The following GRM8 variants were observed in gnomAD, a reference collection of about 807,000 sequenced individuals.
The protein encoded by GRM8 is metabotropic glutamate receptor 8.
In GRM8, 47 loss-of-function variants were observed where a neutral mutation model predicts 87.2. The ratio of observed to expected loss-of-function variants is 0.54; its 90% CI spans 0.43 to 0.69. The LOEUF (loss-of-function observed/expected upper bound fraction) is 0.69, where lower values mean the gene tolerates loss of function less well. Among genes scored for constraint, GRM8 ranks in the 30% least tolerant of loss-of-function variants. The pLI is 0.00. For synonymous variants in GRM8, 396 were observed against 404.5 expected, an observed-to-expected ratio of 0.98 and a Z score of 0.25; for missense variants, 1,019 against 1,139.2, an observed-to-expected ratio of 0.89 and a Z score of 1.52.
At chr7:126,716,074 A>T (rs1485171023) in intron 7 of GRM8, among the ~76,000 whole-genome samples, 1 of 152,226 alleles carries the variant, frequency 6.6e-6, no homozygotes, top group East Asian at 1.9e-4. Context: ...TAGAGCAGAC[A>T]GACATATAGT....
At chr7:127,038,194 C>T (rs1818025545) in intron 3 of GRM8, among the ~76,000 whole-genome samples, 1 of 152,082 alleles carries the variant, frequency 6.6e-6, no homozygotes, top group African/African-American at 2.4e-5. Flanking sequence ...TTTTGTTTTT[C>T]CCTTAGCATC....
chr7:126,438,864 G>T lies in GRM8; in HGVS notation c.*255C>A. ...ACGAGCTAACATTAGTTTTCCTTTT[G>T]TGATTTGTTTTAACTGCTCATGAAT... On this transcript the variant is annotated 3_prime_UTR_variant, in exon 11 of 11. Coordinates refer to ENST00000339582, the MANE Select transcript of GRM8 (RefSeq NM_000845.3). 2.8e-6 allele frequency: 1 copy of T among 361,086 alleles called. No individual in the cohort carries two copies. The highest frequency in any genetic ancestry group is 5.0e-6 in the Non-Finnish European group (1 of 199,690). The allele number at this position is 361,086 out of a possible 1,614,324, so 22.4% of individuals were successfully genotyped here.
intron 6 of GRM8, among the ~76,000 whole-genome samples, chr7:126,814,813 A>T (rs1793627042): frequency 6.6e-6 from 1 of 151,576 alleles, no homozygotes; most frequent in South Asian, 2.1e-4. Flanking sequence ...ACTGCTGTAT[A>T]GGTCAACCAG....
intron 7 of GRM8, among the ~76,000 whole-genome samples, chr7:126,769,076 T>G (rs1196236912): frequency 4.6e-5 from 7 of 152,046 alleles, no homozygotes; most frequent in Non-Finnish European, 7.4e-5. Context: ...GCATGTCCAT[T>G]GTATGGATTA....
chr7:126,891,879 A>C (rs1259192382), intron 6 of GRM8, among the ~76,000 whole-genome samples: 1 of 152,002 alleles, frequency 6.6e-6, no homozygotes, highest in Non-Finnish European at 1.5e-5. Context: ...AAAGAGCAGA[A>C]AATAAGCTGA....
intron 2 of GRM8, among the ~76,000 whole-genome samples, chr7:127,166,994 C>G (rs1270272232): frequency 1.3e-5 from 2 of 152,140 alleles, no homozygotes; most frequent in Non-Finnish European, 2.9e-5. Flanking sequence ...GATCTGCAAG[C>G]ATGAGTTGAA....
At chr7:126,836,167 T>C (rs907327225) in intron 6 of GRM8, among the ~76,000 whole-genome samples, 3 of 152,210 alleles carry the variant, frequency 2.0e-5, no homozygotes, top group Non-Finnish European at 4.4e-5. Context: ...TAGAACCTTA[T>C]ATTAATTTCT....
At chr7:126,864,934 T>C (rs533827564) in intron 6 of GRM8, among the ~76,000 whole-genome samples, 1 of 152,300 alleles carries the variant, frequency 6.6e-6, no homozygotes, top group South Asian at 2.1e-4. Context: ...ATTGTGAGCA[T>C]AGTGTAAATT....
At chr7:126,624,018 T>A (rs886314147) in intron 7 of GRM8, among the ~76,000 whole-genome samples, 1 of 152,184 alleles carries the variant, frequency 6.6e-6, no homozygotes. Flanking sequence ...AATTTGCCCA[T>A]TCTTTTTACC....
In GRM8 at chr7:126,537,349, C is replaced by T. The variant is rs28430698; in HGVS notation, c.1495-3462G>A. Among the ~76,000 whole-genome samples the T allele has an allele frequency of 6.0e-3, 909 of 152,230 alleles. 8 individuals carry two copies. The highest frequency in any genetic ancestry group is 0.02 in the African/African-American group (851 of 41,534). On this transcript the variant is annotated intron_variant, in intron 8 of 10. Transcript: ENST00000339582. ...ACTATGCTGTGAATTGATTTCATAG[C>T]TAAAGTCTGAAAACCAACTAGTATC...
intron 8 of GRM8, among the ~76,000 whole-genome samples, chr7:126,537,414 A>T (rs1815920809): frequency 6.6e-6 from 1 of 152,214 alleles, no homozygotes; most frequent in Non-Finnish European, 1.5e-5. Flanking sequence ...TTGAACAAGG[A>T]TCTTACAAAT....
intron 8 of GRM8, among the ~76,000 whole-genome samples, chr7:126,568,212 G>A (rs1794405263): frequency 6.6e-6 from 1 of 152,070 alleles, no homozygotes; most frequent in South Asian, 2.1e-4. Context: ...GTGTGTATGT[G>A]CCTCCTCTTT....
At chr7:126,496,599 T>C (rs1305727755) in intron 9 of GRM8, among the ~76,000 whole-genome samples, 3 of 152,004 alleles carry the variant, frequency 2.0e-5, no homozygotes, top group African/African-American at 7.2e-5. Flanking sequence ...CCATGTTTTT[T>C]GCCATCGTTT....
chr7:127,172,351 AT>A (rs904132492), intron 2 of GRM8, among the ~76,000 whole-genome samples: 3 of 152,142 alleles, frequency 2.0e-5, no homozygotes. Flanking sequence ...TGTACATAAC[AT>A]TTTTTATGTT....
chr7:126,863,262 G>A (rs1395078216), intron 6 of GRM8, among the ~76,000 whole-genome samples: 5 of 151,988 alleles, frequency 3.3e-5, no homozygotes, highest in Non-Finnish European at 5.9e-5. Context: ...GGGGAAGTTG[G>A]GGCTATTTTT....
At chr7:127,135,496 C>T (rs952453021) in intron 2 of GRM8, among the ~76,000 whole-genome samples, 4 of 151,774 alleles carry the variant, frequency 2.6e-5, no homozygotes, top group African/African-American at 7.2e-5. Flanking sequence ...TAACATTGTT[C>T]TGTAGTTAAG....
At chr7:126,883,184 G>T (rs1001557699) in intron 6 of GRM8, among the ~76,000 whole-genome samples, 2 of 152,180 alleles carry the variant, frequency 1.3e-5, no homozygotes, top group African/African-American at 4.8e-5. Flanking sequence ...TAATTTAGGT[G>T]TTTAGATAAA....
chr7:126,451,858 A>T (rs1563020504), intron 9 of GRM8, among the ~76,000 whole-genome samples: 2 of 151,738 alleles, frequency 1.3e-5, no homozygotes, highest in Non-Finnish European at 2.9e-5. Context: ...TGAAAATTGT[A>T]ACCCCCAACC....
chr7:126,898,813 C>T (rs1396048932), intron 6 of GRM8, among the ~76,000 whole-genome samples: 1 of 152,052 alleles, frequency 6.6e-6, no homozygotes, highest in Admixed American at 6.6e-5. Flanking sequence ...GCAGAACGTG[C>T]AGGTTTGTTA....
Sources: allele counts gnomAD v4.1 joint callset (sites outside exome capture counted in the v4.1 genomes callset), GRCh38; gene constraint gnomAD v4.1.1; transcripts MANE v1.5; gene names NCBI Gene and HGNC (gene_info 2026-07-23, HGNC 2026-07-21).